ANXA8: variants seen among roughly 807,000 people sequenced by gnomAD.
ANXA8 encodes annexin A8.
In ANXA8, 9 loss-of-function variants were observed where a neutral mutation model predicts 26.8. The observed-to-expected ratio is 0.34, with a 90% CI of 0.20 to 0.59. The LOEUF is 0.59. Ranked by LOEUF, ANXA8 falls within the 20% of genes least tolerant of loss-of-function variation. The pLI is 0.84. For missense variants in ANXA8, 83 were observed against 238.5 expected, an observed-to-expected ratio of 0.35 and a Z score of 4.29; for synonymous variants, 39 against 94.8, an observed-to-expected ratio of 0.41 and a Z score of 3.42.
the ANXA8 span, among the ~76,000 whole-genome samples, chr10:47,720,276 T>C: frequency 4.2e-5 from 6 of 143,864 alleles, 1 homozygote; most frequent in Admixed American, 2.8e-4. Flanking sequence ...AAAGCAGTAA[T>C]TGGGAGATTT....
chr10:47,743,259 T>TACAC, the ANXA8 span, among the ~76,000 whole-genome samples: 2 of 127,532 alleles, frequency 1.6e-5, no homozygotes, highest in Admixed American at 8.4e-5. Context: ...TATATATATA[T>TACAC]ATATACATAT....
At chr10:47,681,548 T>C in the ANXA8 span, among the ~76,000 whole-genome samples, 3 of 127,398 alleles carry the variant, frequency 2.4e-5, no homozygotes, top group East Asian at 7.2e-4. Context: ...TTTTTTTTTT[T>C]AGAGACAGTG....
At chr10:47,944,811 A>G in the ANXA8 span, among the ~76,000 whole-genome samples, 1 of 149,280 alleles carries the variant, frequency 6.7e-6, no homozygotes, top group Non-Finnish European at 1.5e-5. Flanking sequence ...ATATGTCTTT[A>G]TTAGCAGTGT....
At chr10:47,564,836 G>A in the ANXA8 span, 2 of 1,000,512 alleles carry the variant, frequency 2.0e-6, no homozygotes, top group Non-Finnish European at 3.2e-6. Context: ...CGTCCTCTAT[G>A]CCAGCAACTC....
At chr10:47,539,388 C>T in the ANXA8 span, among the ~76,000 whole-genome samples, 15 of 118,508 alleles carry the variant, frequency 1.3e-4, no homozygotes, top group Non-Finnish European at 1.9e-4. Context: ...TCTGATCTAT[C>T]CAACCTTTGT....
chr10:47,593,385 C>T, the ANXA8 span, among the ~76,000 whole-genome samples: 10 of 149,738 alleles, frequency 6.7e-5, 1 homozygote, highest in African/African-American at 2.5e-4. Flanking sequence ...TGTCTCGCCT[C>T]CATCTCCCCT....
the ANXA8 span, chr10:47,757,224 C>CG: frequency 1.7e-4 from 49 of 292,076 alleles, no homozygotes; most frequent in Non-Finnish European, 2.1e-4. Flanking sequence ...TGCCTCTGTC[C>CG]TCCTGGAGCC....
chr10:47,685,037 A>T, the ANXA8 span, among the ~76,000 whole-genome samples: 1 of 150,618 alleles, frequency 6.6e-6, no homozygotes, highest in Non-Finnish European at 1.5e-5. Flanking sequence ...GCACACTGAA[A>T]TAACAGTTAT....
the ANXA8 span, chr10:47,496,102 A>T: frequency 1.3e-5 from 2 of 151,624 alleles, no homozygotes; most frequent in Non-Finnish European, 2.9e-5. Flanking sequence ...GCAGAGGGGC[A>T]GTGGTACAGA....
the ANXA8 span, among the ~76,000 whole-genome samples, chr10:47,600,368 C>G: frequency 6.7e-6 from 1 of 149,686 alleles, no homozygotes; most frequent in Non-Finnish European, 1.5e-5. Flanking sequence ...GCCACGTGGC[C>G]CCACCCCGGG....
the ANXA8 span, among the ~76,000 whole-genome samples, chr10:47,596,994 A>T: frequency 6.7e-6 from 1 of 149,144 alleles, no homozygotes. Flanking sequence ...ATGAACATAG[A>T]TGAAAAAATC....
At chr10:47,969,295 T>G in the ANXA8 span, among the ~76,000 whole-genome samples, 1 of 150,008 alleles carries the variant, frequency 6.7e-6, no homozygotes, top group East Asian at 1.9e-4. Flanking sequence ...TGTATTGTAC[T>G]CCCCACCTCA....
rs1389199693 is a variant in ANXA8, at chr10:47,470,174, G to C, written c.924+1088C>G. On this transcript the variant is annotated intron_variant, in intron 11 of 11. Transcript: ENST00000585281. ...TTTGCCTCTTAATTTCAATGCAGGA[G>C]TTTTTAACTCATATTAGTGTTGAAA... Among the ~76,000 whole-genome samples the C allele has an allele frequency of 6.6e-5, 10 of 152,028 alleles. No individual in the cohort carries two copies. The East Asian group carries it at 1.7e-3, about 26-fold the overall frequency.
chr10:47,667,787 G>C, the ANXA8 span, among the ~76,000 whole-genome samples: 377 of 151,980 alleles, frequency 2.5e-3, 1 homozygote, highest in African/African-American at 8.6e-3. Flanking sequence ...GCCCAGGCTG[G>C]AGTGCAGTGG....
the ANXA8 span, among the ~76,000 whole-genome samples, chr10:47,587,821 C>A: frequency 1.4e-5 from 2 of 146,172 alleles, no homozygotes; most frequent in Non-Finnish European, 2.9e-5. Flanking sequence ...GATGCCGAGT[C>A]TAGTGCAGGG....
At chr10:47,733,175 TTC>T in the ANXA8 span, among the ~76,000 whole-genome samples, 7 of 93,270 alleles carry the variant, frequency 7.5e-5, no homozygotes, top group Admixed American at 2.3e-4. Context: ...CTTTCTTTCT[TTC>T]TTTCTTTCTT....
At chr10:47,519,422 T>G in the ANXA8 span, among the ~76,000 whole-genome samples, 1 of 119,432 alleles carries the variant, frequency 8.4e-6, no homozygotes, top group South Asian at 2.8e-4. Context: ...GAGCCAAGAT[T>G]GTGCCATTGC....
the ANXA8 span, among the ~76,000 whole-genome samples, chr10:47,557,890 T>C: frequency 6.6e-6 from 1 of 151,862 alleles, no homozygotes; most frequent in Admixed American, 6.6e-5. Flanking sequence ...TGAATCTTTT[T>C]TAAAGTAATG....
the ANXA8 span, among the ~76,000 whole-genome samples, chr10:47,667,457 C>G: frequency 3.0e-3 from 457 of 151,758 alleles, 5 homozygotes; most frequent in African/African-American, 9.8e-3. Flanking sequence ...TATGGTTGTA[C>G]TGTATTTTAA....
Sources: allele counts gnomAD v4.1 joint callset (sites outside exome capture counted in the v4.1 genomes callset), GRCh38; gene constraint gnomAD v4.1.1; transcripts MANE v1.5; gene names NCBI Gene and HGNC (gene_info 2026-07-23, HGNC 2026-07-21).